Variants in CDH13 observed in about 807,000 individuals in gnomAD.
CDH13 encodes cadherin 13, also known as cadherin-13.
Under a neutral mutation model 63.8 loss-of-function variants are expected in CDH13, and 24 were observed. The ratio of observed to expected loss-of-function variants is 0.38; its 90% confidence interval spans 0.27 to 0.53. The LOEUF (loss-of-function observed/expected upper bound fraction) is 0.53. Ranked by LOEUF, CDH13 falls within the 20% of genes least tolerant of loss-of-function variation. The pLI, the probability that CDH13 is intolerant of heterozygous loss-of-function variation, is 0.85. For synonymous variants in CDH13, 503 were observed against 355.3 expected (o/e 1.42, Z -4.67); for missense variants, 1,049 against 903.1 (o/e 1.16, Z -2.07).
intron 2 of CDH13, among the ~76,000 whole-genome samples, chr16:82,955,363 C>G (rs1007048454): frequency 1.3e-5 from 2 of 152,176 alleles, no homozygotes; most frequent in Non-Finnish European, 2.9e-5. Flanking sequence ...GGTACATGAT[C>G]AGAGTTGAGT....
intron 7 of CDH13, among the ~76,000 whole-genome samples, chr16:83,510,558 G>T (rs867772574): frequency 6.6e-6 from 1 of 152,290 alleles, no homozygotes; most frequent in South Asian, 2.1e-4. Context: ...TGGGAATAAG[G>T]ATATGTTAGA....
At chr16:82,886,056 A>T (rs1156233584) in intron 2 of CDH13, among the ~76,000 whole-genome samples, 1 of 152,198 alleles carries the variant, frequency 6.6e-6, no homozygotes, top group Non-Finnish European at 1.5e-5. Context: ...GCAGTCATAA[A>T]TATACACATG....
At chr16:82,863,506 C>T (rs755779972) in intron 2 of CDH13, among the ~76,000 whole-genome samples, 2 of 152,166 alleles carry the variant, frequency 1.3e-5, no homozygotes, top group Non-Finnish European at 2.9e-5. Context: ...GCTCTGTGGC[C>T]ATGAGTGAGT....
At chr16:82,932,121 C>G (rs2042515606) in intron 2 of CDH13, among the ~76,000 whole-genome samples, 1 of 152,088 alleles carries the variant, frequency 6.6e-6, no homozygotes, top group Non-Finnish European at 1.5e-5. Context: ...GAATCACTCA[C>G]AGAAGTCATT....
intron 6 of CDH13, among the ~76,000 whole-genome samples, chr16:83,404,602 T>G (rs2092014437): frequency 1.3e-5 from 2 of 152,352 alleles, no homozygotes; most frequent in South Asian, 4.1e-4. Context: ...TAGATGTGTG[T>G]GCACACACCC....
intron 13 of CDH13, among the ~76,000 whole-genome samples, chr16:83,793,558 T>C (rs538157971): frequency 3.9e-5 from 6 of 152,300 alleles, no homozygotes; most frequent in African/African-American, 9.6e-5. Context: ...ATGCCTTTTT[T>C]CCTCTGGGAA....
At chr16:83,218,347 G>A (rs1372699853) in intron 5 of CDH13, among the ~76,000 whole-genome samples, 1 of 152,120 alleles carries the variant, frequency 6.6e-6, no homozygotes, top group African/African-American at 2.4e-5. Flanking sequence ...GGGAGGATGC[G>A]GGTGCTTTCC....
intron 1 of CDH13, among the ~76,000 whole-genome samples, chr16:82,845,693 C>T (rs888348673): frequency 6.6e-6 from 1 of 152,148 alleles, no homozygotes; most frequent in Non-Finnish European, 1.5e-5. Flanking sequence ...CCAAGAGTAC[C>T]TCATATAGGG....
chr16:83,447,074 AC>A (rs368367338), intron 6 of CDH13, among the ~76,000 whole-genome samples: 4,205 of 88,030 alleles, frequency 0.048, 335 homozygotes, highest in African/African-American at 0.1. Flanking sequence ...AAAAAAAAAA[AC>A]AAAAAACACC....
At chr16:82,980,722 CTG>C (rs752608441) in intron 2 of CDH13, among the ~76,000 whole-genome samples, 1 of 152,206 alleles carries the variant, frequency 6.6e-6, no homozygotes, top group Non-Finnish European at 1.5e-5. Context: ...AGCCCTCAAA[CTG>C]TGAACTGTAT....
chr16:83,479,796 A>G (rs2073711254), intron 6 of CDH13, among the ~76,000 whole-genome samples: 1 of 152,254 alleles, frequency 6.6e-6, no homozygotes, highest in African/African-American at 2.4e-5. Flanking sequence ...GGGGTTTATC[A>G]CATCAGATGT....
intron 4 of CDH13, among the ~76,000 whole-genome samples, chr16:83,185,251 G>A (rs180703973): frequency 3.9e-5 from 6 of 152,098 alleles, no homozygotes; most frequent in Non-Finnish European, 5.9e-5. Flanking sequence ...TGAAGTATAC[G>A]CTATGGGGCT....
intron 7 of CDH13, among the ~76,000 whole-genome samples, chr16:83,507,348 C>G (rs2151596526): frequency 6.6e-6 from 1 of 152,252 alleles, no homozygotes; most frequent in East Asian, 1.9e-4. Flanking sequence ...CAGAAGATGG[C>G]TGAATGAATG....
intron 7 of CDH13, among the ~76,000 whole-genome samples, chr16:83,524,786 G>A (rs1365826289): frequency 6.6e-6 from 1 of 152,070 alleles, no homozygotes; most frequent in Non-Finnish European, 1.5e-5. Flanking sequence ...CTTACTAGCT[G>A]AGAGGTCTTG....
intron 8 of CDH13, among the ~76,000 whole-genome samples, chr16:83,661,388 C>T (rs1156234889): frequency 6.6e-6 from 1 of 151,328 alleles, no homozygotes; most frequent in African/African-American, 2.4e-5. Context: ...GATGCTGAGG[C>T]ACAAGGATCA....
At chr16:83,598,102 A>T (rs117807613) in intron 7 of CDH13, among the ~76,000 whole-genome samples, 1,768 of 152,348 alleles carry the variant, frequency 0.012, 34 homozygotes, top group East Asian at 0.074. Flanking sequence ...GCAGTGGCTC[A>T]TGCCTATAAT....
chr16:83,682,939 C>G (rs1445690014), intron 10 of CDH13, among the ~76,000 whole-genome samples: 3 of 152,186 alleles, frequency 2.0e-5, no homozygotes, highest in Non-Finnish European at 4.4e-5. Flanking sequence ...CAACCCCAAC[C>G]CCACTGAAAC....
At chr16:83,576,964 A>G (rs1411850433) in intron 7 of CDH13, among the ~76,000 whole-genome samples, 10 of 152,214 alleles carry the variant, frequency 6.6e-5, no homozygotes, top group Admixed American at 2.0e-4. Context: ...CACTTTCTTT[A>G]TAATGTCCAC....
chr16:82,684,403 C>G (rs879100532), intron 1 of CDH13, among the ~76,000 whole-genome samples: 2 of 152,122 alleles, frequency 1.3e-5, no homozygotes, highest in Admixed American at 1.3e-4. Flanking sequence ...TGTGGGTCAA[C>G]TCACATGAAG....
Sources: allele counts gnomAD v4.1 joint callset (sites outside exome capture counted in the v4.1 genomes callset), GRCh38; gene constraint gnomAD v4.1.1; transcripts MANE v1.5; gene names NCBI Gene and HGNC (gene_info 2026-07-23, HGNC 2026-07-21).